FUT9: variants seen among roughly 807,000 people sequenced by gnomAD.
FUT9 encodes the protein fucosyltransferase 9.
Under a neutral mutation model 29.7 loss-of-function variants are expected in FUT9, and 15 were observed. The ratio of observed to expected loss-of-function variants is 0.51; its 90% confidence interval spans 0.34 to 0.78. The LOEUF (loss-of-function observed/expected upper bound fraction) is 0.78, where lower values mean the gene tolerates loss of function less well. Among genes scored for constraint, FUT9 ranks in the 30% least tolerant of loss-of-function variants. The probability of loss-of-function intolerance (pLI) is 0.01; values close to 1 mark genes in which losing one functional copy is unlikely to be tolerated. For missense variants in FUT9, 319 were observed against 425.4 expected, an observed-to-expected ratio of 0.75 and a Z score of 2.20; for synonymous variants, 169 against 153.7, an observed-to-expected ratio of 1.10 and a Z score of -0.74.
At chr6:96,096,660 G>C (rs1212261947) in intron 1 of FUT9, among the ~76,000 whole-genome samples, 1 of 109,092 alleles carries the variant, frequency 9.2e-6, no homozygotes, top group Non-Finnish European at 1.9e-5. Context: ...CCATTCCTCT[G>C]TCTAGTGTGT....
chr6:96,090,388 A>T, intron 1 of FUT9, among the ~76,000 whole-genome samples: 1 of 152,124 alleles, frequency 6.6e-6, no homozygotes, highest in South Asian at 2.1e-4. Flanking sequence ...TGTAGTTAAA[A>T]CAATACTTAT....
At chr6:96,109,540 A>G (rs994239396) in intron 1 of FUT9, among the ~76,000 whole-genome samples, 3 of 152,196 alleles carry the variant, frequency 2.0e-5, no homozygotes, top group Non-Finnish European at 4.4e-5. Context: ...TTCAAAAATG[A>G]TGACTCAATG....
chr6:96,156,193 C>A (rs1772781622), intron 2 of FUT9, among the ~76,000 whole-genome samples: 2 of 152,184 alleles, frequency 1.3e-5, no homozygotes, highest in African/African-American at 4.8e-5. Context: ...TTCCTTCCAA[C>A]TGGCAAATAC....
chr6:96,078,415 T>TGA (rs1212494039), intron 1 of FUT9, among the ~76,000 whole-genome samples: 1 of 89,426 alleles, frequency 1.1e-5, no homozygotes, highest in Non-Finnish European at 2.4e-5. Flanking sequence ...CTTCTTTTTT[T>TGA]TTTTTTTTTT....
intron 2 of FUT9, among the ~76,000 whole-genome samples, chr6:96,194,268 C>T (rs1773578459): frequency 6.6e-6 from 1 of 152,066 alleles, no homozygotes. Flanking sequence ...TGTTGCTAGG[C>T]CTCTTTCCAA....
At chr6:96,020,855 A>C (rs1408759239) in intron 1 of FUT9, 1 of 152,122 alleles carries the variant, frequency 6.6e-6, no homozygotes, top group African/African-American at 2.4e-5. Flanking sequence ...GCAAATTTGG[A>C]TGAGAGGAAA....
At chr6:96,149,366 T>A (rs1772635532) in intron 2 of FUT9, among the ~76,000 whole-genome samples, 1 of 152,028 alleles carries the variant, frequency 6.6e-6, no homozygotes, top group Non-Finnish European at 1.5e-5. Context: ...TATTAGAAAC[T>A]ACAATGGAAC....
At chr6:96,132,546 A>C (rs1187528982) in intron 2 of FUT9, among the ~76,000 whole-genome samples, 1 of 152,096 alleles carries the variant, frequency 6.6e-6, no homozygotes, top group Non-Finnish European at 1.5e-5. Context: ...AAAAAAGCTG[A>C]AAATTGTCCC....
chr6:96,151,986 G>A (rs1474077833), intron 2 of FUT9, among the ~76,000 whole-genome samples: 1 of 152,144 alleles, frequency 6.6e-6, no homozygotes, highest in African/African-American at 2.4e-5. Flanking sequence ...TGGGATCAGA[G>A]GATGCATCTA....
chr6:96,018,868 C>A (rs529627570), intron 1 of FUT9, among the ~76,000 whole-genome samples: 41 of 151,864 alleles, frequency 2.7e-4, no homozygotes, highest in African/African-American at 9.9e-4. Flanking sequence ...GGCTTAAATT[C>A]TTTAATCAAA....
rs140997847 is a variant in FUT9, at chr6:96,019,546, C to T, written c.-98+3334C>T. Among the ~76,000 whole-genome samples, 326 of 151,994 alleles carry T rather than the reference C, an allele frequency of 2.1e-3. 1 individual carries two copies. The highest frequency in any genetic ancestry group is 3.4e-3 in the Middle Eastern group (1 of 294). ...ATTCAGGAGGGAGTATTTAGCAGAA[C>T]GCATTCTTAGGAGCAAATATGTAAA... On this transcript the variant is annotated intron_variant, in intron 1 of 2. Coordinates refer to ENST00000302103, the MANE Select transcript of FUT9 (RefSeq NM_006581.4).
chr6:96,096,089 A>C (rs1771489958), intron 1 of FUT9, among the ~76,000 whole-genome samples: 1 of 152,148 alleles, frequency 6.6e-6, no homozygotes, highest in Admixed American at 6.6e-5. Context: ...CTCTACTTGG[A>C]AGTCTAATAT....
chr6:96,133,370 T>C (rs2127970126), intron 2 of FUT9, among the ~76,000 whole-genome samples: 1 of 152,018 alleles, frequency 6.6e-6, no homozygotes, highest in East Asian at 1.9e-4. Context: ...AATACAGGGA[T>C]GAAGTAAAAC....
chr6:96,180,410 C>A lies in FUT9; in HGVS notation c.-8-22738C>A, dbSNP rs116754137. ...ATGCTGTGTCCAGAGTAAGTGTTGT[C>A]AGACAGAATAATGTGCCATGTGCCC... On this transcript the variant is annotated intron_variant, in intron 2 of 2. Coordinates refer to ENST00000302103, the MANE Select transcript of FUT9 (RefSeq NM_006581.4). Among the ~76,000 whole-genome samples, 381 of 152,176 alleles carry A rather than the reference C, an allele frequency of 2.5e-3. 4 individuals are homozygous for A. Among genetic ancestry groups the A allele is most frequent in the African/African-American group, 8.8e-3 (367 of 41,530 alleles).
chr6:96,100,402 G>A (rs1771569054), intron 1 of FUT9, among the ~76,000 whole-genome samples: 4 of 151,906 alleles, frequency 2.6e-5, no homozygotes. Context: ...TATAGTACAA[G>A]GTAAAGTAAA....
intron 1 of FUT9, among the ~76,000 whole-genome samples, chr6:96,059,625 C>G (rs762766310): frequency 2.0e-5 from 3 of 152,178 alleles, no homozygotes; most frequent in Non-Finnish European, 4.4e-5. Context: ...CTATCCATTT[C>G]ATTACATCAT....
chr6:96,182,327 T>C (rs1391128543), intron 2 of FUT9, among the ~76,000 whole-genome samples: 1 of 152,152 alleles, frequency 6.6e-6, no homozygotes, highest in Non-Finnish European at 1.5e-5. Flanking sequence ...ATTTGTCCTT[T>C]GTCAGATGTA....
In FUT9 at chr6:96,145,504, T is replaced by C. The variant is rs143091387; in HGVS notation, c.-9+31377T>C. Among the ~76,000 whole-genome samples, 136 of 152,056 alleles carry C rather than the reference T, an allele frequency of 8.9e-4. 1 individual carries two copies. The highest frequency in any genetic ancestry group is 3.4e-3 in the Middle Eastern group (1 of 294). ...ATCTTGCATTCTGTTTGGAAAGGGG[T>C]AAAGTAAAAGATAAATAAGTATGAT... On this transcript the variant is annotated intron_variant, in intron 2 of 2. Coordinates refer to ENST00000302103, the MANE Select transcript of FUT9 (RefSeq NM_006581.4).
chr6:96,113,530 C>A (rs1056788724), intron 1 of FUT9, among the ~76,000 whole-genome samples: 2 of 150,632 alleles, frequency 1.3e-5, no homozygotes, highest in Non-Finnish European at 3.0e-5. Context: ...TGAGACATTG[C>A]GCCCGACCAT....
Sources: gnomAD v4.1 joint callset for allele counts (sites outside exome capture counted in the v4.1 genomes callset) on GRCh38, gnomAD v4.1.1 for gene constraint, MANE v1.5 for transcripts, NCBI Gene and HGNC (gene_info 2026-07-23, HGNC 2026-07-21) for gene names.